NRXN1: variants seen among roughly 807,000 people sequenced by gnomAD.
NRXN1 encodes neurexin-1.
Under a neutral mutation model 150.9 loss-of-function variants are expected in NRXN1, and 39 were observed. The observed-to-expected ratio is 0.26, with a 90% CI of 0.20 to 0.34. The LOEUF (loss-of-function observed/expected upper bound fraction) is 0.34, where lower values mean the gene tolerates loss of function less well. Among genes scored for constraint, NRXN1 ranks in the 10% least tolerant of loss-of-function variants. The pLI, the probability that NRXN1 is intolerant of heterozygous loss-of-function variation, is 1.00. For missense variants in NRXN1, 1,815 were observed against 1,949.9 expected, an observed-to-expected ratio of 0.93 and a Z score of 1.30; for synonymous variants, 924 against 757.0, an observed-to-expected ratio of 1.22 and a Z score of -3.62.
At chr2:50,472,228 A>C in intron 16 of NRXN1, 70 bp downstream of exon 16, 1 of 1,315,372 alleles carries the variant, frequency 7.6e-7, no homozygotes, top group Non-Finnish European at 1.0e-6. Flanking sequence ...TTTGCTGGAC[A>C]GTGAGATTCA....
At chr2:50,884,420 T>C (rs1367639403) in intron 5 of NRXN1, among the ~76,000 whole-genome samples, 1 of 151,786 alleles carries the variant, frequency 6.6e-6, no homozygotes, top group East Asian at 1.9e-4. Flanking sequence ...TTTCAAATAA[T>C]GCATTTCTGT....
intron 17 of NRXN1, among the ~76,000 whole-genome samples, chr2:50,272,565 A>G (rs113201311): frequency 1.8e-3 from 267 of 152,300 alleles, no homozygotes; most frequent in African/African-American, 6.0e-3. Flanking sequence ...GATTCTCTGA[A>G]ACAAGAGTCT....
In NRXN1 at chr2:50,538,635, A is replaced by G; in HGVS notation, c.1761T>C (p.Gly587=). ...HVDFQRDGRS[G]TISVNTLRTP... ...TACGCAACGTGTTGACAGAAATGGT[A>G]CCTATTTCAAAGAGAGGAGAATGCA... Residue 587 remains glycine, a splice_region_variant and synonymous_variant, in exon 10 of 23, where the codon GGT becomes GGC. Transcript: ENST00000401669. 1 of 1,480,700 alleles carries G rather than the reference A, an allele frequency of 6.8e-7. No individual in the cohort carries two copies. Among genetic ancestry groups the G allele is most frequent in the Non-Finnish European group, 9.0e-7 (1 of 1,113,082 alleles). The allele number at this position is 1,480,700 out of a possible 1,614,324, so 91.7% of individuals were successfully genotyped here.
chr2:50,472,350 G>A lies in NRXN1; in HGVS notation c.3192C>T (p.Asp1064=), dbSNP rs199580594. ...TGCAGAAAAGAGCATCGGAGATGAG[G>A]TCCGGAAGCCGTCCATTTAAATCAA... ...ASVDLNGRLP[D]LISDALFCNG... The change falls in exon 16 of 23, where the codon GAC becomes GAT. Residue 1064 remains aspartate (D), a synonymous_variant. Coordinates refer to ENST00000401669, the MANE Select transcript of NRXN1 (RefSeq NM_001330078.2). The A allele has an allele frequency of 4.3e-6, 7 of 1,611,884 alleles. No individual in the cohort carries two copies. Among genetic ancestry groups the A allele is most frequent in the Non-Finnish European group, 5.9e-6 (7 of 1,178,660 alleles).
intron 16 of NRXN1, among the ~76,000 whole-genome samples, chr2:50,469,463 T>C (rs1447735262): frequency 6.6e-6 from 1 of 151,630 alleles, no homozygotes; most frequent in Non-Finnish European, 1.5e-5. Context: ...TATTATTAGG[T>C]TATACCAAAC....
intron 8 of NRXN1, among the ~76,000 whole-genome samples, chr2:50,574,697 T>A (rs1340796740): frequency 1.3e-5 from 2 of 152,138 alleles, no homozygotes; most frequent in Non-Finnish European, 2.9e-5. Flanking sequence ...CTAAATTAAT[T>A]ATTCCCCTAT....
chr2:50,557,693 C>T (rs1177859904), intron 8 of NRXN1, among the ~76,000 whole-genome samples: 6 of 152,102 alleles, frequency 3.9e-5, no homozygotes. Flanking sequence ...AGTAAGTGAT[C>T]AAGTAAATAC....
At chr2:50,166,325 T>TGTTTG (rs2059687518) in intron 18 of NRXN1, among the ~76,000 whole-genome samples, 26 of 73,300 alleles carry the variant, frequency 3.5e-4, no homozygotes, top group Non-Finnish European at 6.8e-4. Flanking sequence ...GTGTGTGTGT[T>TGTTTG]TGTGTGTGTG....
At chr2:50,966,298 A>T (rs1464410668) in intron 2 of NRXN1, among the ~76,000 whole-genome samples, 1 of 151,322 alleles carries the variant, frequency 6.6e-6, no homozygotes, top group East Asian at 1.9e-4. Context: ...TAAGTCAATT[A>T]AATCATGGCG....
At chr2:50,769,213 C>T (rs1275658265) in intron 5 of NRXN1, among the ~76,000 whole-genome samples, 3 of 151,936 alleles carry the variant, frequency 2.0e-5, no homozygotes, top group African/African-American at 7.2e-5. Context: ...CATACAGTAC[C>T]AAAAACACCT....
intron 15 of NRXN1, among the ~76,000 whole-genome samples, chr2:50,487,907 A>G (rs1264916242): frequency 6.6e-6 from 1 of 152,118 alleles, no homozygotes; most frequent in East Asian, 1.9e-4. Context: ...TTTCCTGTGA[A>G]TTCCTGGGAA....
At chr2:50,058,048 G>T (rs1386921358) in intron 19 of NRXN1, among the ~76,000 whole-genome samples, 2 of 152,144 alleles carry the variant, frequency 1.3e-5, no homozygotes, top group African/African-American at 4.8e-5. Context: ...CTTTTAAAAA[G>T]ATCACATAAA....
intron 19 of NRXN1, among the ~76,000 whole-genome samples, chr2:50,077,415 G>T (rs1697277196): frequency 6.6e-6 from 1 of 152,116 alleles, no homozygotes; most frequent in African/African-American, 2.4e-5. Context: ...CCCCAGGTCT[G>T]CCTTCTACTG....
At chr2:50,022,147 C>T (rs1687665978) in intron 21 of NRXN1, among the ~76,000 whole-genome samples, 1 of 152,058 alleles carries the variant, frequency 6.6e-6, no homozygotes, top group Non-Finnish European at 1.5e-5. Context: ...CCATGCCTGG[C>T]TAATTTTTGT....
intron 7 of NRXN1, among the ~76,000 whole-genome samples, chr2:50,620,449 C>T (rs1316936965): frequency 6.6e-6 from 1 of 152,094 alleles, no homozygotes; most frequent in Non-Finnish European, 1.5e-5. Flanking sequence ...GAACTAGTGT[C>T]AGCATCATCC....
intron 18 of NRXN1, among the ~76,000 whole-genome samples, chr2:50,122,472 C>T (rs551615647): frequency 2.4e-4 from 36 of 152,316 alleles, no homozygotes; most frequent in Admixed American, 1.8e-3. Context: ...GGAGAGATCA[C>T]AAAAGTGCAT....
At chr2:50,724,904 C>CA (rs1379721282) in intron 5 of NRXN1, among the ~76,000 whole-genome samples, 3 of 151,032 alleles carry the variant, frequency 2.0e-5, no homozygotes, top group Non-Finnish European at 3.0e-5. Context: ...GCTCACTAAA[C>CA]AAAAAACAAA....
chr2:50,659,254 A>G (rs2104625518), intron 5 of NRXN1, among the ~76,000 whole-genome samples: 1 of 152,186 alleles, frequency 6.6e-6, no homozygotes, highest in African/African-American at 2.4e-5. Flanking sequence ...GCAGTAAACT[A>G]GTTCTCATTT....
At chr2:50,466,490 T>G (rs2088865396) in intron 16 of NRXN1, 1 of 469,970 alleles carries the variant, frequency 2.1e-6, no homozygotes. Context: ...CAATGCAACT[T>G]TGTCAGCAAA....
Sources: gnomAD v4.1 joint callset for allele counts (sites outside exome capture counted in the v4.1 genomes callset) on GRCh38, gnomAD v4.1.1 for gene constraint, MANE v1.5 for transcripts, NCBI Gene and HGNC (gene_info 2026-07-23, HGNC 2026-07-21) for gene names.